The following CPXM2 variants were observed in gnomAD, a reference collection of about 807,000 sequenced individuals.
CPXM2 encodes the protein inactive carboxypeptidase-like protein X2.
In CPXM2, 66 loss-of-function variants were observed where a neutral mutation model predicts 86.1. The observed-to-expected ratio is 0.77, with a 90% CI of 0.63 to 0.94. The LOEUF is 0.94. Ranked by LOEUF, CPXM2 falls within the 40% of genes least tolerant of loss-of-function variation. CPXM2 has a pLI of 0.00. For missense variants in CPXM2, 948 were observed against 1,026.3 expected, an observed-to-expected ratio of 0.92 and a Z score of 1.04; for synonymous variants, 388 against 400.2, an observed-to-expected ratio of 0.97 and a Z score of 0.36.
rs771808249 is a variant in CPXM2 at position 123,746,908 on chromosome 10, C to T, written c.2127G>A (p.Met709Ile). 3.7e-6 allele frequency: 6 copies of T among 1,614,196 alleles called. No individual in the cohort carries two copies. The South Asian group carries it at 6.6e-5, about 18-fold the overall frequency. ...STKNCMVGYD[M>I]GATRCDFTLS... The stretch of plus-strand genomic sequence containing the variant: ...GTGTGAAGTCACACCTTGTGGCCCC[C>T]ATGTCATAGCCAACCATACAGTTCT... Residue 709 changes from methionine to isoleucine, a missense_variant, in exon 14 of 14, where the codon ATG (methionine) becomes ATA (isoleucine). Met to Ile is a conservative substitution (Grantham distance 10). Coordinates refer to ENST00000241305, the MANE Select transcript of CPXM2 (RefSeq NM_198148.3).
At chr10:123,771,622 A>G (rs889871684) in intron 7 of CPXM2, among the ~76,000 whole-genome samples, 4 of 152,194 alleles carry the variant, frequency 2.6e-5, no homozygotes, top group African/African-American at 9.7e-5. Flanking sequence ...TACTCAGGTT[A>G]CAATATTTTA....
At chr10:123,866,253 C>G (rs1460881625) in intron 2 of CPXM2, among the ~76,000 whole-genome samples, 2 of 152,138 alleles carry the variant, frequency 1.3e-5, no homozygotes, top group African/African-American at 4.8e-5. Context: ...CACTCAGCGT[C>G]CAATCACACG....
chr10:123,876,792 T>C (rs1944996014), intron 2 of CPXM2, among the ~76,000 whole-genome samples: 1 of 152,204 alleles, frequency 6.6e-6, no homozygotes. Flanking sequence ...CAGCTAATGT[T>C]TGCTGAGAGC....
At chr10:123,859,903 C>G (rs373504309) in intron 3 of CPXM2, among the ~76,000 whole-genome samples, 1 of 152,146 alleles carries the variant, frequency 6.6e-6, no homozygotes, top group Admixed American at 6.5e-5. Flanking sequence ...CCCTGCTGGA[C>G]GCCCCATCTA....
At chr10:123,912,902 C>A (rs151269392) in intron 2 of CPXM2, among the ~76,000 whole-genome samples, 196 of 152,346 alleles carry the variant, frequency 1.3e-3, no homozygotes, top group African/African-American at 4.5e-3. Context: ...CATGAAGGAA[C>A]TGCCAGACCT....
At chr10:123,887,834 G>C (rs1382942834) in intron 1 of CPXM2, among the ~76,000 whole-genome samples, 1 of 152,032 alleles carries the variant, frequency 6.6e-6, no homozygotes, top group African/African-American at 2.4e-5. Flanking sequence ...AGCGTACATG[G>C]GGCCTCAGTG....
intron 7 of CPXM2, among the ~76,000 whole-genome samples, chr10:123,778,130 C>T (rs1846844071): frequency 6.6e-6 from 1 of 152,160 alleles, no homozygotes; most frequent in African/African-American, 2.4e-5. Context: ...AAAAAAAGTC[C>T]CCTCATTATC....
intron 12 of CPXM2, among the ~76,000 whole-genome samples, chr10:123,756,863 T>C (rs1349430812): frequency 1.3e-5 from 2 of 152,196 alleles, no homozygotes; most frequent in Admixed American, 1.3e-4. Context: ...GCTGCAAGTC[T>C]GCCTTGTAAG....
intron 2 of CPXM2, among the ~76,000 whole-genome samples, chr10:123,869,567 G>A (rs566478085): frequency 2.0e-5 from 3 of 152,184 alleles, no homozygotes; most frequent in Non-Finnish European, 4.4e-5. Context: ...CTCTTAAAGA[G>A]AGTGCAGCTC....
intron 7 of CPXM2, among the ~76,000 whole-genome samples, chr10:123,771,908 T>C (rs1219650149): frequency 6.6e-6 from 1 of 152,212 alleles, no homozygotes; most frequent in African/African-American, 2.4e-5. Context: ...ATAAGTTTCC[T>C]GAGGCCTTAT....
intron 6 of CPXM2, among the ~76,000 whole-genome samples, chr10:123,785,473 G>T (rs1847031744): frequency 1.3e-5 from 2 of 152,090 alleles, no homozygotes; most frequent in Admixed American, 6.5e-5. Context: ...ATTTTCCCAG[G>T]ACTGTCCTGG....
At chr10:123,930,338 G>A (rs1313306689) in intron 2 of CPXM2, among the ~76,000 whole-genome samples, 1 of 152,224 alleles carries the variant, frequency 6.6e-6, no homozygotes, top group Non-Finnish European at 1.5e-5. Context: ...GGAGGCAGAG[G>A]TGCTGTCCTC....
At chr10:123,847,197 T>C (rs537345712) in intron 3 of CPXM2, among the ~76,000 whole-genome samples, 2 of 152,330 alleles carry the variant, frequency 1.3e-5, no homozygotes, top group East Asian at 1.9e-4. Context: ...CATCTATAAA[T>C]TGATACAGAT....
intron 10 of CPXM2, among the ~76,000 whole-genome samples, chr10:123,764,694 C>T (rs902940703): frequency 6.6e-6 from 1 of 152,114 alleles, no homozygotes; most frequent in African/African-American, 2.4e-5. Context: ...ACCATGTTGG[C>T]CATGCTAGTC....
At chr10:123,760,679 T>C (rs990680167) in intron 11 of CPXM2, among the ~76,000 whole-genome samples, 1 of 152,126 alleles carries the variant, frequency 6.6e-6, no homozygotes, top group African/African-American at 2.4e-5. Context: ...CCGCAGGGGA[T>C]GGGAACTTAT....
intron 4 of CPXM2, among the ~76,000 whole-genome samples, chr10:123,800,657 C>G (rs573894314): frequency 6.6e-6 from 1 of 151,762 alleles, no homozygotes; most frequent in Non-Finnish European, 1.5e-5. Flanking sequence ...GTAGGAAACC[C>G]CTCGGTCAAG....
intron 13 of CPXM2, chr10:123,750,002 T>TATG: frequency 3.6e-6 from 1 of 274,140 alleles, no homozygotes. Context: ...TTTTTTTTAG[T>TATG]AGAGATGGGG....
chr10:123,746,839 C>A lies in CPXM2; in HGVS notation c.2196G>T (p.Lys732Asn). The stretch of plus-strand genomic sequence containing the variant: ...GCAGGCTGACGGGCTGCTTCCCAAA[C>A]TTCTCCATGATCTCTCGGATCCTGG... ...NMARIREIME[K>N]FGKQPVSLPA... The change falls in exon 14 of 14, where the codon AAG becomes AAT. Residue 732 changes from lysine (K) to asparagine (N), a missense_variant. By Grantham distance (94) the Lys-to-Asn change is moderately conservative. Transcript: ENST00000241305. The A allele has an allele frequency of 6.2e-7, 1 of 1,614,232 alleles. No homozygotes were observed. Among genetic ancestry groups the A allele is most frequent in the Non-Finnish European group, 8.5e-7 (1 of 1,180,050 alleles).
chr10:123,819,687 G>A (rs1246557763), intron 4 of CPXM2, among the ~76,000 whole-genome samples: 3 of 152,174 alleles, frequency 2.0e-5, no homozygotes, highest in African/African-American at 4.8e-5. Flanking sequence ...TTGTACAAAG[G>A]ATAGTGGTAT....
Sources: gnomAD v4.1 joint callset for allele counts (sites outside exome capture counted in the v4.1 genomes callset) on GRCh38, gnomAD v4.1.1 for gene constraint, MANE v1.5 for transcripts, NCBI Gene and HGNC (gene_info 2026-07-23, HGNC 2026-07-21) for gene names.